The following ARHGEF28 variants were observed in gnomAD, a reference collection of about 807,000 sequenced individuals.
The protein encoded by ARHGEF28 is Rho guanine nucleotide exchange factor 28.
Under a neutral mutation model 206.6 loss-of-function variants are expected in ARHGEF28, and 152 were observed. The ratio of observed to expected loss-of-function variants is 0.74; its 90% confidence interval spans 0.64 to 0.84. ARHGEF28 has a LOEUF of 0.84. ARHGEF28 is among the 40% of genes least tolerant of loss of function. The probability of loss-of-function intolerance (pLI) is 0.00; values close to 1 mark genes in which losing one functional copy is unlikely to be tolerated. For synonymous variants in ARHGEF28, 763 were observed against 776.4 expected, an observed-to-expected ratio of 0.98 and a Z score of 0.29; for missense variants, 2,028 against 2,073.2, an observed-to-expected ratio of 0.98 and a Z score of 0.42.
At chr5:73,807,493 T>C (rs944651518) in intron 9 of ARHGEF28, among the ~76,000 whole-genome samples, 1 of 151,930 alleles carries the variant, frequency 6.6e-6, no homozygotes, top group African/African-American at 2.4e-5. Flanking sequence ...AATTCTTTTT[T>C]TTTTTTTTGA....
chr5:73,777,699 T>G (rs1361236446), intron 6 of ARHGEF28, among the ~76,000 whole-genome samples: 4 of 152,154 alleles, frequency 2.6e-5, no homozygotes, highest in Non-Finnish European at 5.9e-5. Context: ...GGGAATTTGG[T>G]GTGTAATTTT....
At chr5:73,880,186 G>A (rs1189247222) in intron 22 of ARHGEF28, among the ~76,000 whole-genome samples, 1 of 152,172 alleles carries the variant, frequency 6.6e-6, no homozygotes, top group African/African-American at 2.4e-5. Flanking sequence ...TCAGACTGCT[G>A]TGCTAGCAAT....
At chr5:73,796,512 A>G (rs1754830111) in intron 9 of ARHGEF28, among the ~76,000 whole-genome samples, 1 of 152,210 alleles carries the variant, frequency 6.6e-6, no homozygotes, top group South Asian at 2.1e-4. Flanking sequence ...TGTGGTTGGT[A>G]TGCTGTGCCA....
chr5:73,695,899 ACCCTAGTGGACTTT>A (rs1279524711), intron 2 of ARHGEF28, among the ~76,000 whole-genome samples: 1 of 151,990 alleles, frequency 6.6e-6, no homozygotes, highest in Non-Finnish European at 1.5e-5. Context: ...AGTCCTCTCT[ACCCTAGTGGACTTT>A]CCTCATTCTC....
chr5:73,685,413 G>A (rs1747398561), intron 2 of ARHGEF28, among the ~76,000 whole-genome samples: 1 of 152,054 alleles, frequency 6.6e-6, no homozygotes, highest in African/African-American at 2.4e-5. Flanking sequence ...GGGGGTAACA[G>A]GGAAGTGAAC....
intron 2 of ARHGEF28, among the ~76,000 whole-genome samples, chr5:73,733,893 T>C (rs1185358156): frequency 6.6e-6 from 1 of 152,086 alleles, no homozygotes; most frequent in Non-Finnish European, 1.5e-5. Context: ...CTCAGAAAAC[T>C]TACAGTCATG....
At chr5:73,927,403 C>T (rs1021306314) in intron 35 of ARHGEF28, among the ~76,000 whole-genome samples, 2 of 152,092 alleles carry the variant, frequency 1.3e-5, no homozygotes, top group African/African-American at 2.4e-5. Flanking sequence ...GTGCTAGTCA[C>T]AGGTCAGATG....
At chr5:73,869,231 G>GA (rs58390386) in intron 20 of ARHGEF28, among the ~76,000 whole-genome samples, 1 of 110,120 alleles carries the variant, frequency 9.1e-6, no homozygotes, top group East Asian at 2.8e-4. Flanking sequence ...GTGGAGGGGG[G>GA]TGGGGAAGGG....
chr5:73,911,448 A>T lies in ARHGEF28; in HGVS notation c.4821A>T (p.Glu1607Asp), dbSNP rs772366060. Residue 1607 changes from glutamate to aspartate, a missense_variant, in exon 35 of 36, where the codon GAA (glutamate) becomes GAT (aspartate). Glu to Asp is a conservative substitution (Grantham distance 45). Coordinates refer to ENST00000513042, the MANE Select transcript of ARHGEF28 (RefSeq NM_001177693.2). ...ATTCTGACTTGGTGAGGACTAGTGAACATCAAGTAGACCTCAAGGTGGACC... is the reference window on the plus strand; with the variant it reads ...ATTCTGACTTGGTGAGGACTAGTGATCATCAAGTAGACCTCAAGGTGGACC... ...QSHSDLVRTS[E>D]HQVDLKVDPS... The T allele has an allele frequency of 1.9e-6, 3 of 1,614,034 alleles. No individual in the cohort carries two copies. In the South Asian group the frequency reaches 3.3e-5, roughly 18 times the overall value.
chr5:73,790,703 A>G (rs1315049434), intron 7 of ARHGEF28, among the ~76,000 whole-genome samples: 1 of 151,730 alleles, frequency 6.6e-6, no homozygotes, highest in African/African-American at 2.4e-5. Context: ...AAAAGGAATA[A>G]CTGGGATATT....
In ARHGEF28 at chr5:73,795,376, C is replaced by A; in HGVS notation, c.1009C>A (p.His337Asn). Residue 337 changes from histidine (H) to asparagine (N), a missense_variant, in exon 9 of 36, where the codon CAC becomes AAC. His to Asn is a moderately conservative substitution (Grantham distance 68). Transcript: ENST00000513042. The part of the protein sequence containing the change: ...VVQHNEHEDQ[H>N]SLDLDRSFDI... Reference sequence around the variant, plus strand: ...TCAACACAATGAACATGAAGACCAGCACAGCCTAGATTTGGGTATGAAATA... The same window carrying A: ...TCAACACAATGAACATGAAGACCAGAACAGCCTAGATTTGGGTATGAAATA... The A allele has an allele frequency of 1.2e-6, 2 of 1,613,706 alleles. No homozygotes were observed. Among genetic ancestry groups the A allele is most frequent in the Non-Finnish European group, 8.5e-7 (1 of 1,179,674 alleles).
chr5:73,797,130 G>A (rs1418746781), intron 9 of ARHGEF28, among the ~76,000 whole-genome samples: 1 of 152,226 alleles, frequency 6.6e-6, no homozygotes, highest in Non-Finnish European at 1.5e-5. Flanking sequence ...ATTTGAGAAA[G>A]ATAAATGAGC....
intron 9 of ARHGEF28, among the ~76,000 whole-genome samples, chr5:73,824,846 A>G (rs1190426482): frequency 1.3e-5 from 2 of 152,188 alleles, no homozygotes; most frequent in South Asian, 4.1e-4. Flanking sequence ...GTACCTGGTG[A>G]TCAGTAGACA....
chr5:73,827,332 A>G (rs1194663821), intron 9 of ARHGEF28, among the ~76,000 whole-genome samples: 1 of 152,216 alleles, frequency 6.6e-6, no homozygotes, highest in Admixed American at 6.5e-5. Context: ...GTAACATTAT[A>G]GCAGGGGTTG....
intron 9 of ARHGEF28, among the ~76,000 whole-genome samples, chr5:73,814,258 A>G (rs1159795545): frequency 5.3e-5 from 8 of 152,340 alleles, no homozygotes; most frequent in African/African-American, 1.7e-4. Flanking sequence ...CATTGTAAAT[A>G]GTTTACTAAA....
chr5:73,794,541 A>C (rs1283381472), intron 8 of ARHGEF28, 87 bp downstream of exon 8: 3 of 1,103,426 alleles, frequency 2.7e-6, no homozygotes. Flanking sequence ...TGTTTAAAAA[A>C]CACTAAAAAA....
At chr5:73,687,697 A>AT (rs1747560652) in intron 2 of ARHGEF28, among the ~76,000 whole-genome samples, 1 of 151,806 alleles carries the variant, frequency 6.6e-6, no homozygotes, top group Admixed American at 6.6e-5. Flanking sequence ...AGTTTACTAA[A>AT]TTTTTGTTCA....
chr5:73,863,165 T>G (rs1672732422), intron 16 of ARHGEF28: 1 of 152,184 alleles, frequency 6.6e-6, no homozygotes, highest in East Asian at 1.9e-4. Context: ...GCTTGAGGAC[T>G]TTTCATTTTT....
At chr5:73,737,057 A>G (rs759592798) in intron 2 of ARHGEF28, among the ~76,000 whole-genome samples, 2 of 152,182 alleles carry the variant, frequency 1.3e-5, no homozygotes, top group Non-Finnish European at 2.9e-5. Context: ...TGCCATTAGT[A>G]GGATGTGAGT....
Sources: allele counts gnomAD v4.1 joint callset (sites outside exome capture counted in the v4.1 genomes callset), GRCh38; gene constraint gnomAD v4.1.1; transcripts MANE v1.5; gene names NCBI Gene and HGNC (gene_info 2026-07-23, HGNC 2026-07-21).